Variants in WFDC2 observed in about 807,000 individuals in gnomAD.
The protein encoded by WFDC2 is WAP four-disulfide core domain 2.
Under a neutral mutation model 12.5 loss-of-function variants are expected in WFDC2, and 8 were observed. That is an observed-to-expected ratio of 0.64 (90% CI 0.37 to 1.15). WFDC2 has a LOEUF of 1.15. Among genes scored for constraint, WFDC2 ranks in the 50% most tolerant of loss-of-function variants. The pLI is 0.01. For missense variants in WFDC2, 166 were observed against 159.9 expected, an observed-to-expected ratio of 1.04 and a Z score of -0.21; for synonymous variants, 74 against 67.2, an observed-to-expected ratio of 1.10 and a Z score of -0.49.
chr20:45,471,365 C>T, intron 2 of WFDC2: 1 of 335,650 alleles, frequency 3.0e-6, no homozygotes, highest in East Asian at 7.9e-5. Context: ...TTCCGTTCTC[C>T]AGAGGAAAAT....
intron 1 of WFDC2, 80 bp downstream of exon 1, chr20:45,469,940 C>T: frequency 6.6e-7 from 1 of 1,515,656 alleles, no homozygotes; most frequent in Non-Finnish European, 8.9e-7. Context: ...GAGGCGTAGC[C>T]TCTGGAGGCT....
In WFDC2 at chr20:45,470,353, G is replaced by A. The variant is rs1451676415; in HGVS notation, c.80-36G>A. On this transcript the variant is annotated intron_variant, in intron 1 of 3. Transcript: ENST00000372676. The surrounding 1 kb of genome is among the most constrained non-coding windows in gnomAD (Gnocchi z 5.4). Reference sequence around the variant, plus strand: ...GGGCATCCTCTGGGGCTGGCGCTACGCCCCACCCTCGACTGTCCCGGGCCT... The same window carrying A: ...GGGCATCCTCTGGGGCTGGCGCTACACCCCACCCTCGACTGTCCCGGGCCT... 6.5e-7 allele frequency: 1 copy of A among 1,550,080 alleles called. No homozygotes were observed. The highest frequency in any genetic ancestry group is 8.7e-7 in the Non-Finnish European group (1 of 1,145,110).
intron 2 of WFDC2, among the ~76,000 whole-genome samples, chr20:45,472,699 A>G (rs1991187314): frequency 1.3e-5 from 2 of 152,234 alleles, no homozygotes; most frequent in Admixed American, 1.3e-4. Context: ...TCCTTTGGGT[A>G]TATACCCAGT....
rs1991280682 is a variant in WFDC2 at position 45,479,960 on chromosome 20, C to A, written c.242C>A (p.Pro81His). ...SLPNDKEGSC[P>H]QVNINFPQLG... is the part of the protein sequence containing the mutation. ...TACCCAGATAAGGAGGGTTCCTGCC[C>A]CCAGGTGAACATTAACTTTCCCCAG... Residue 81 changes from proline to histidine, a missense_variant, in exon 3 of 4, where the codon CCC (proline) becomes CAC (histidine). Pro to His is a moderately conservative substitution (Grantham distance 77). Coordinates refer to ENST00000372676, the MANE Select transcript of WFDC2 (RefSeq NM_006103.4). 6.2e-7 allele frequency: 1 copy of A among 1,614,244 alleles called. No homozygotes were observed. The highest frequency in any genetic ancestry group is 2.2e-5 in the East Asian group (1 of 44,884).
chr20:45,471,841 T>A (rs557272886), intron 2 of WFDC2, among the ~76,000 whole-genome samples: 1 of 149,418 alleles, frequency 6.7e-6, no homozygotes, highest in African/African-American at 2.5e-5. Flanking sequence ...TTCTGCCATT[T>A]TCTAGTTATG....
chr20:45,474,768 T>G (rs1991212759), intron 2 of WFDC2, among the ~76,000 whole-genome samples: 1 of 152,210 alleles, frequency 6.6e-6, no homozygotes, highest in South Asian at 2.1e-4. Flanking sequence ...AACTCCTCTT[T>G]GTACCTCTGG....
intron 2 of WFDC2, among the ~76,000 whole-genome samples, chr20:45,473,376 G>A (rs577682191): frequency 4.6e-5 from 7 of 152,266 alleles, no homozygotes; most frequent in South Asian, 2.1e-4. Context: ...TAAGGAAAGG[G>A]GTCCAGTTTC....
At chr20:45,476,963 A>G (rs1323443289) in intron 2 of WFDC2, among the ~76,000 whole-genome samples, 5 of 151,688 alleles carry the variant, frequency 3.3e-5, no homozygotes, top group African/African-American at 4.8e-5. Context: ...TGCTTGATCA[A>G]TTCGGCTATT....
chr20:45,470,373 G>A lies in WFDC2; in HGVS notation c.80-16G>A, dbSNP rs549519906. ...GCTACGCCCCACCCTCGACTGTCCC[G>A]GGCCTCCCCTCCCAGGCACAGGAGC... On this transcript the variant is annotated splice_polypyrimidine_tract_variant and intron_variant, in intron 1 of 3. Transcript: ENST00000372676. This position sits in a 1 kb window ranked among gnomAD's most constrained non-coding sequence, Gnocchi z 5.4. 2.5e-6 allele frequency: 4 copies of A among 1,572,130 alleles called. No homozygotes were observed. The highest frequency in any genetic ancestry group is 1.8e-5 in the Admixed American group (1 of 55,274).
rs1448885241 is a variant in WFDC2 at position 45,480,067 on chromosome 20, G to A, written c.349G>A (p.Val117Met). The change falls in exon 3 of 4, where the codon GTG (valine) becomes ATG (methionine). Residue 117 changes from valine to methionine, a missense_variant. Physicochemically the swap from Val to Met is conservative, Grantham distance 21. Transcript: ENST00000372676. ...ATGCTGCCGCAATGGCTGTGGGAAG[G>A]TGTCCTGTGTCACTCCCAATTTCTG... ...MKCCRNGCGKVSCVTPNF is the reference protein window; with the variant it reads ...MKCCRNGCGKMSCVTPNF 6.2e-7 allele frequency: 1 copy of A among 1,614,070 alleles called. No individual in the cohort carries two copies. The highest frequency in any genetic ancestry group is 8.5e-7 in the Non-Finnish European group (1 of 1,180,020).
intron 2 of WFDC2, among the ~76,000 whole-genome samples, chr20:45,477,830 T>C (rs1385506426): frequency 2.0e-5 from 3 of 152,242 alleles, no homozygotes; most frequent in African/African-American, 7.2e-5. Context: ...TGACTAGGGC[T>C]GCTGCCTTTT....
At chr20:45,480,207 G>C in intron 3 of WFDC2, 113 bp downstream of exon 3, 2 of 1,470,982 alleles carry the variant, frequency 1.4e-6, no homozygotes, top group Non-Finnish European at 1.8e-6. Flanking sequence ...AGTTGGGAAA[G>C]GTATACCAGT....
chr20:45,477,426 G>A (rs888021250), intron 2 of WFDC2, among the ~76,000 whole-genome samples: 2 of 152,120 alleles, frequency 1.3e-5, no homozygotes, highest in Admixed American at 1.3e-4. Flanking sequence ...TAACAATCAG[G>A]CCCCTCAGCT....
At chr20:45,475,051 T>G (rs1199240710) in intron 2 of WFDC2, among the ~76,000 whole-genome samples, 3 of 152,228 alleles carry the variant, frequency 2.0e-5, no homozygotes, top group African/African-American at 7.2e-5. Flanking sequence ...TTATTGTGTC[T>G]ATTTGATTCT....
chr20:45,474,358 T>TA lies in WFDC2; in HGVS notation c.223+3827dup, dbSNP rs1372240127. On this transcript the variant is annotated intron_variant, in intron 2 of 3. Transcript: ENST00000372676. ...GTTACTTTGAGATACCTTCCATCAA[T>TA]ACCTAGTTTATTGAGTGTTTTAGCA... Among the ~76,000 whole-genome samples, 255 of 152,344 alleles carry TA rather than the reference T, an allele frequency of 1.7e-3. No individual in the cohort carries two copies. The Middle Eastern group carries it at 0.017, about 10-fold the overall frequency.
At position 45,470,659 on chromosome 20, in the gene WFDC2, T is replaced by A. The variant is rs773005582; in HGVS notation, c.223+127T>A. On this transcript the variant is annotated intron_variant, in intron 2 of 3. Coordinates refer to ENST00000372676, the MANE Select transcript of WFDC2 (RefSeq NM_006103.4). The surrounding 1 kb of genome is among the most constrained non-coding windows in gnomAD (Gnocchi z 5.4). ...GGACCCCCGGGAAAGTCAAGGCGGT[T>A]GAAACCAGATCCGTCAGTCCTCTCC... 9.8e-5 allele frequency: 128 copies of A among 1,308,694 alleles called. 1 individual carries two copies. The highest frequency in any genetic ancestry group is 1.2e-4 in the Non-Finnish European group (119 of 980,858). The allele number at this position is 1,308,694 out of a possible 1,614,324, so 81.1% of individuals were successfully genotyped here.
chr20:45,471,596 C>G (rs1288655368), intron 2 of WFDC2, among the ~76,000 whole-genome samples: 2 of 152,224 alleles, frequency 1.3e-5, no homozygotes, highest in Non-Finnish European at 2.9e-5. Flanking sequence ...GCTTCAAGGT[C>G]ATGAGTCCCC....
chr20:45,478,414 G>A (rs1315974866), intron 2 of WFDC2, among the ~76,000 whole-genome samples: 1 of 152,058 alleles, frequency 6.6e-6, no homozygotes, highest in Non-Finnish European at 1.5e-5. Flanking sequence ...GCTAGGGGAG[G>A]GAGTTCCCTG....
At chr20:45,475,262 G>A (rs1264481367) in intron 2 of WFDC2, among the ~76,000 whole-genome samples, 1 of 151,930 alleles carries the variant, frequency 6.6e-6, no homozygotes, top group Non-Finnish European at 1.5e-5. Flanking sequence ...TCTTTTAATT[G>A]TGATGTTAGG....
Sources: gnomAD v4.1 joint callset for allele counts (sites outside exome capture counted in the v4.1 genomes callset) on GRCh38, gnomAD v4.1.1 for gene constraint, Gnocchi (gnomAD v3.1) non-coding constraint, MANE v1.5 for transcripts, NCBI Gene and HGNC (gene_info 2026-07-23, HGNC 2026-07-21) for gene names.